Variants in PCDH15 observed in about 807,000 individuals in gnomAD.
PCDH15 encodes the protein protocadherin-15.
A neutral mutation model predicts 178.5 loss-of-function variants in PCDH15; 129 were observed. The ratio of observed to expected loss-of-function variants is 0.72; its 90% CI spans 0.63 to 0.84. The LOEUF (loss-of-function observed/expected upper bound fraction) is 0.84. PCDH15 is among the 40% of genes least tolerant of loss of function. PCDH15 has a pLI of 0.00. For missense variants in PCDH15, 2,230 were observed against 2,099.9 expected (o/e 1.06, Z -1.21); for synonymous variants, 800 against 732.0 (o/e 1.09, Z -1.50).
intron 1 of PCDH15, among the ~76,000 whole-genome samples, chr10:55,207,256 CT>C (rs781184353): frequency 7.4e-4 from 112 of 151,988 alleles, no homozygotes; most frequent in Non-Finnish European, 8.5e-4. Flanking sequence ...CAATATGGAA[CT>C]TGTATGCCAT....
intron 2 of PCDH15, among the ~76,000 whole-genome samples, chr10:54,910,370 G>T (rs539121176): frequency 2.0e-5 from 3 of 152,102 alleles, no homozygotes; most frequent in Admixed American, 1.3e-4. Flanking sequence ...AAGATAAACC[G>T]GAATTACAAG....
chr10:55,431,524 T>C (rs1294495789), intron 2 of PCDH15, among the ~76,000 whole-genome samples: 1 of 152,164 alleles, frequency 6.6e-6, no homozygotes, highest in East Asian at 1.9e-4. Context: ...CTTTAGCTAA[T>C]TGGATATATG....
chr10:54,475,935 T>G (rs1028167217), intron 3 of PCDH15, among the ~76,000 whole-genome samples: 24 of 150,058 alleles, frequency 1.6e-4, no homozygotes, highest in African/African-American at 5.8e-4. Context: ...GTCCTGGAAG[T>G]GCCCTATAAA....
intron 13 of PCDH15, among the ~76,000 whole-genome samples, chr10:54,157,801 TG>T (rs1363882667): frequency 3.3e-5 from 5 of 152,232 alleles, no homozygotes; most frequent in African/African-American, 1.2e-4. Flanking sequence ...ATGAATGTTT[TG>T]CTGCTAAGAA....
intron 2 of PCDH15, among the ~76,000 whole-genome samples, chr10:55,553,513 A>G (rs1256835655): frequency 6.6e-6 from 1 of 151,800 alleles, no homozygotes; most frequent in East Asian, 1.9e-4. Context: ...TTTTTAATGA[A>G]TATTCATTGT....
rs556755382 is a variant in PCDH15 at position 53,846,623 on chromosome 10, C to A, written c.3807-6127G>T. ...TCGCTTAACTTACTTATTCTTGAAC[C>A]AAGTTATTTTTGGTAGATGCTCTAA... On this transcript the variant is annotated intron_variant, in intron 28 of 37. Transcript: ENST00000644397. Among the ~76,000 whole-genome samples, 12 of 151,768 alleles carry A rather than the reference C, an allele frequency of 7.9e-5. No homozygotes were observed. In the East Asian group the frequency reaches 1.9e-3, roughly 24 times the overall value.
chr10:54,556,579 T>C (rs867014975), intron 2 of PCDH15, among the ~76,000 whole-genome samples: 11 of 145,220 alleles, frequency 7.6e-5, no homozygotes, highest in Middle Eastern at 7.1e-3. Flanking sequence ...TACAAAACAC[T>C]TTTTTTTTTT....
At chr10:54,823,227 G>A (rs113125546) in intron 3 of PCDH15, among the ~76,000 whole-genome samples, 175 of 65,316 alleles carry the variant, frequency 2.7e-3, no homozygotes, top group Admixed American at 0.01. Context: ...ACACACACAC[G>A]CACACGCACA....
At chr10:54,464,549 C>A (rs1417006650) in intron 3 of PCDH15, among the ~76,000 whole-genome samples, 1 of 152,112 alleles carries the variant, frequency 6.6e-6, no homozygotes, top group African/African-American at 2.4e-5. Context: ...GTAAAACTAT[C>A]ATATTTGGGG....
chr10:55,551,639 T>C (rs1589132910), intron 2 of PCDH15, among the ~76,000 whole-genome samples: 1 of 151,920 alleles, frequency 6.6e-6, no homozygotes, highest in East Asian at 1.9e-4. Context: ...AATTTGTGGA[T>C]ATAATAAAAG....
At chr10:55,432,795 A>T (rs200748328) in intron 2 of PCDH15, among the ~76,000 whole-genome samples, 24 of 131,412 alleles carry the variant, frequency 1.8e-4, no homozygotes, top group Admixed American at 9.8e-4. Context: ...ATATATATAT[A>T]TTTTATTTTT....
chr10:54,518,933 G>A (rs1294601898), intron 3 of PCDH15, among the ~76,000 whole-genome samples: 1 of 152,082 alleles, frequency 6.6e-6, no homozygotes, highest in Non-Finnish European at 1.5e-5. Flanking sequence ...ATGTAATCCA[G>A]CATATAAACA....
intron 2 of PCDH15, among the ~76,000 whole-genome samples, chr10:55,466,077 C>G (rs1839825803): frequency 6.6e-6 from 1 of 152,046 alleles, no homozygotes; most frequent in Non-Finnish European, 1.5e-5. Context: ...TACCTGCCCT[C>G]TGGAGCTCAT....
intron 2 of PCDH15, among the ~76,000 whole-genome samples, chr10:55,474,842 T>A (rs1840032304): frequency 6.6e-6 from 1 of 152,138 alleles, no homozygotes; most frequent in South Asian, 2.1e-4. Flanking sequence ...ATTAGCAAAT[T>A]CTGTAAATTC....
intron 2 of PCDH15, among the ~76,000 whole-genome samples, chr10:55,483,845 C>T (rs759766645): frequency 6.7e-6 from 1 of 148,402 alleles, no homozygotes; most frequent in Non-Finnish European, 1.5e-5. Context: ...CACATGGATA[C>T]ATGCATGCAT....
intron 3 of PCDH15, among the ~76,000 whole-genome samples, chr10:54,428,369 G>A (rs1325752891): frequency 6.6e-6 from 1 of 152,118 alleles, no homozygotes; most frequent in Non-Finnish European, 1.5e-5. Flanking sequence ...AGTAAACCAT[G>A]CCCAGTTGAA....
At chr10:55,098,941 TCCTTTCTCTTTCTTTTGCCTATTAAA>T (rs1346892060) in intron 2 of PCDH15, among the ~76,000 whole-genome samples, 1 of 101,532 alleles carries the variant, frequency 9.8e-6, no homozygotes, top group Non-Finnish European at 2.1e-5. Context: ...AGAGCTCTTA[TCCTTTCTCTTTCTTTTGCCTATTAAA>T]CCTCTGCTCC....
In PCDH15 at chr10:54,239,699, G is replaced by A. The variant is rs374863432; in HGVS notation, c.877-2768C>T. The stretch of plus-strand genomic sequence containing the variant: ...ACTCTCTTGATAAAGGCTTTCACAA[G>A]TTTCTGCAAATTTAAAAGAAATGGT... On this transcript the variant is annotated intron_variant, in intron 8 of 37. Transcript: ENST00000644397. 9.2e-5 allele frequency among the ~76,000 whole-genome samples: 14 copies of A among 151,954 alleles called. No individual in the cohort carries two copies. In the East Asian group the frequency reaches 2.7e-3, roughly 29 times the overall value.
intron 8 of PCDH15, among the ~76,000 whole-genome samples, chr10:54,293,766 A>G (rs2059574405): frequency 1.3e-5 from 2 of 152,354 alleles, no homozygotes; most frequent in South Asian, 4.1e-4. Flanking sequence ...AACCACAATG[A>G]GATACCATCT....
Sources: gnomAD v4.1 joint callset for allele counts (sites outside exome capture counted in the v4.1 genomes callset) on GRCh38, gnomAD v4.1.1 for gene constraint, MANE v1.5 for transcripts, NCBI Gene and HGNC (gene_info 2026-07-23, HGNC 2026-07-21) for gene names.